RAPGEF3: variants seen among roughly 807,000 people sequenced by gnomAD.
RAPGEF3 encodes Rap guanine nucleotide exchange factor 3, also known as 9330170P05Rik.
A neutral mutation model predicts 129.8 loss-of-function variants in RAPGEF3; 103 were observed. The ratio of observed to expected loss-of-function variants is 0.79; its 90% CI spans 0.68 to 0.93. The LOEUF (loss-of-function observed/expected upper bound fraction) is 0.93, where lower values mean the gene tolerates loss of function less well. Ranked by LOEUF, RAPGEF3 falls within the 40% of genes least tolerant of loss-of-function variation. The pLI, the probability that RAPGEF3 is intolerant of heterozygous loss-of-function variation, is 0.00. For missense variants in RAPGEF3, 1,117 were observed against 1,207.4 expected, an observed-to-expected ratio of 0.93 and a Z score of 1.11; for synonymous variants, 436 against 482.6, an observed-to-expected ratio of 0.90 and a Z score of 1.26.
chr12:47,757,913 G>A lies in RAPGEF3; in HGVS notation c.172C>T (p.Leu58=). The change falls in exon 2 of 28, where the codon CTG becomes TTG. Residue 58 remains leucine, a synonymous_variant. Transcript: ENST00000449771. ...MHRPRSCSYQ[L]LLEHQRPSCI... is the part of the protein sequence containing the mutation. The stretch of plus-strand genomic sequence containing the variant: ...CTCGGACGCTGGTGCTCCAGCAGCA[G>A]CTGGTAGGAGCAGCTTCGGGGCCGG... The A allele has an allele frequency of 6.4e-7, 1 of 1,557,040 alleles. No individual in the cohort carries two copies. Among genetic ancestry groups the A allele is most frequent in the Non-Finnish European group, 8.7e-7 (1 of 1,150,282 alleles).
In RAPGEF3 at chr12:47,737,415, G is replaced by T. The variant is rs1306717510; in HGVS notation, c.*152C>A. 7.7e-6 allele frequency: 5 copies of T among 652,838 alleles called. No individual in the cohort carries two copies. In the East Asian group the frequency reaches 1.4e-4, roughly 18 times the overall value. 40.4% of individuals were successfully genotyped at this position (652,838 alleles called of 1,614,324 possible). On this transcript the variant is annotated 3_prime_UTR_variant, in exon 28 of 28. Coordinates refer to ENST00000449771, the MANE Select transcript of RAPGEF3 (RefSeq NM_001098531.4). ...TCCTTAGCTGCCAGTCATCACAGGG[G>T]ATGGCTGCCTCCACACTGCCTGCTC...
At chr12:47,750,230 C>T (rs1437708443) in intron 7 of RAPGEF3, 111 bp downstream of exon 7, 1 of 1,256,504 alleles carries the variant, frequency 8.0e-7, no homozygotes, top group African/African-American at 1.5e-5. Context: ...AAATTTCCAG[C>T]CATAGATGGA....
Position 47,750,445 on chromosome 12 carries a change from G to T in RAPGEF3, c.672-20C>A. ...CCTGGGCTGCAGGGACAGGAGGAAT[G>T]GGAGCACACTGTGAACTGTGGGCCC... On this transcript the variant is annotated intron_variant, in intron 6 of 27. Coordinates refer to ENST00000449771, the MANE Select transcript of RAPGEF3 (RefSeq NM_001098531.4). 6.2e-7 allele frequency: 1 copy of T among 1,606,104 alleles called. No individual in the cohort carries two copies. The highest frequency in any genetic ancestry group is 2.2e-5 in the East Asian group (1 of 44,534).
chr12:47,758,426 T>G (rs1942234533), intron 1 of RAPGEF3, 125 bp downstream of exon 1: 2 of 1,557,442 alleles, frequency 1.3e-6, no homozygotes, highest in Non-Finnish European at 1.7e-6. Flanking sequence ...AGCTTCGGCT[T>G]AAACCCTTCT....
chr12:47,750,661 C>G lies in RAPGEF3; in HGVS notation c.672-236G>C, dbSNP rs146842004. 1.1e-4 allele frequency among the ~76,000 whole-genome samples: 16 copies of G among 152,316 alleles called. No individual in the cohort carries two copies. The East Asian group carries it at 2.3e-3, about 22-fold the overall frequency. ...GTTCTATCATCCTCACTTGACAGAA[C>G]AGGAACTAGCATGAGGAGGCTCAAG... On this transcript the variant is annotated intron_variant, in intron 6 of 27. Transcript: ENST00000449771.
intron 2 of RAPGEF3, among the ~76,000 whole-genome samples, chr12:47,754,415 G>A (rs945134847): frequency 6.6e-6 from 1 of 152,234 alleles, no homozygotes; most frequent in African/African-American, 2.4e-5. Flanking sequence ...CTAGGATGGG[G>A]CGGAGAGAGG....
chr12:47,748,959 A>G (rs1941588856), intron 10 of RAPGEF3, 28 bp from the exon 11 acceptor site: 1 of 1,541,448 alleles, frequency 6.5e-7, no homozygotes, highest in South Asian at 1.1e-5. Flanking sequence ...TCCCATGCTC[A>G]ACTCATGATG....
chr12:47,739,116 A>G, intron 24 of RAPGEF3, 27 bp downstream of exon 24: 1 of 1,518,756 alleles, frequency 6.6e-7, no homozygotes, highest in African/African-American at 1.4e-5. Flanking sequence ...GGGGGAATGG[A>G]GGGATGGAGG....
In RAPGEF3 at chr12:47,741,490, C is replaced by T; in HGVS notation, c.1923+15G>A. The stretch of plus-strand genomic sequence containing the variant: ...GATCTCCTCCCTGGGCCCTGGCACC[C>T]TGCCTGGTCCCTACCAGCTCATGCA... On this transcript the variant is annotated intron_variant, in intron 19 of 27. Coordinates refer to ENST00000449771, the MANE Select transcript of RAPGEF3 (RefSeq NM_001098531.4). 1 of 1,609,514 alleles carries T rather than the reference C, an allele frequency of 6.2e-7. No homozygotes were observed. Among genetic ancestry groups the T allele is most frequent in the Non-Finnish European group, 8.5e-7 (1 of 1,175,824 alleles).
At position 47,738,740 on chromosome 12, in the gene RAPGEF3, G is replaced by A. The variant is rs747780939; in HGVS notation, c.2476C>T (p.His826Tyr). 4 of 1,610,288 alleles carry A rather than the reference G, an allele frequency of 2.5e-6. No homozygotes were observed. In the Admixed American group the frequency reaches 6.7e-5, roughly 27 times the overall value. Reference protein sequence around the residue: ...PLLLKDMTFIHEGNHTLVENL... With the variant: ...PLLLKDMTFIYEGNHTLVENL... ...TCCACTAGTGTGTGGTTTCCCTCAT[G>A]AATGAAGGTCATGTCTGCAAAGAGA... Residue 826 changes from histidine (H) to tyrosine (Y), a missense_variant, in exon 25 of 28, where the codon CAT becomes TAT. Transcript: ENST00000449771.
intron 16 of RAPGEF3, chr12:47,744,931 C>G (rs143888965): frequency 1.8e-4 from 27 of 152,268 alleles, no homozygotes; most frequent in African/African-American, 6.5e-4. Flanking sequence ...AAACCCTGGT[C>G]TCAAAAACCC....
intron 27 of RAPGEF3, among the ~76,000 whole-genome samples, 153 bp downstream of exon 27, chr12:47,737,868 CT>C (rs1221335114): frequency 6.6e-6 from 1 of 152,196 alleles, no homozygotes; most frequent in Non-Finnish European, 1.5e-5. Flanking sequence ...GAAGAGCCCC[CT>C]GGCTCAGAGC....
At chr12:47,737,963 C>T (rs1450823429) in intron 27 of RAPGEF3, 59 bp downstream of exon 27, 2 of 1,545,906 alleles carry the variant, frequency 1.3e-6, no homozygotes, top group African/African-American at 1.4e-5. Flanking sequence ...GATGTGCCAG[C>T]CATGGGTAAC....
chr12:47,740,221 T>A, intron 22 of RAPGEF3, 30 bp from the exon 23 acceptor site: 1 of 1,613,262 alleles, frequency 6.2e-7, no homozygotes, highest in Non-Finnish European at 8.5e-7. Flanking sequence ...GAGCGGCTGC[T>A]CTGGGGGAGG....
rs375621327 is a variant in RAPGEF3 at position 47,740,880 on chromosome 12, C to G, written c.2049+35G>C. 4 of 1,613,586 alleles carry G rather than the reference C, an allele frequency of 2.5e-6. No homozygotes were observed. The African/African-American group carries it at 5.3e-5, about 22-fold the overall frequency. ...TGCTGAGCCGAGCCGGGCGCCCCGC[C>G]GCCTGCTCTCCTCCCCCAGCTCTGC... On this transcript the variant is annotated intron_variant, in intron 20 of 27. Transcript: ENST00000449771.
rs963261081 is a variant in RAPGEF3 at position 47,749,875 on chromosome 12, C to T, written c.817+55G>A. ...TGGCACCTACCATTCCTTCACACAT[C>T]CTTCTGCCCATGTCCAGGCCCTGTG... is the stretch of plus-strand genomic sequence containing the variant. On this transcript the variant is annotated intron_variant, in intron 8 of 27. Transcript: ENST00000449771. The surrounding 1 kb of genome is among the most constrained non-coding windows in gnomAD (Gnocchi z 4.5). 8 of 1,613,866 alleles carry T rather than the reference C, an allele frequency of 5.0e-6. No homozygotes were observed. In the South Asian group the frequency reaches 7.7e-5, roughly 16 times the overall value.
intron 16 of RAPGEF3, chr12:47,746,503 C>G (rs1941424065): frequency 1.7e-6 from 1 of 602,314 alleles, no homozygotes; most frequent in African/African-American, 2.0e-5. Context: ...TTCCTCTGAG[C>G]TCCCACAGCA....
At chr12:47,743,923 CAA>C in intron 17 of RAPGEF3, 62 bp downstream of exon 17, 1 of 1,507,046 alleles carries the variant, frequency 6.6e-7, no homozygotes, top group Non-Finnish European at 9.2e-7. Flanking sequence ...GACAGCAGGA[CAA>C]GAGAGGCAGA....
Position 47,739,149 on chromosome 12 carries a change from G to A in RAPGEF3, c.2455C>T (p.Leu819Phe). ...AGGCAGGAAGCCCTGTTACCTTTGA[G>A]AAGAAGGGGCATGAAGGGGATGACA... ...PPVIPFMPLL[L>F]KDMTFIHEGN... is the part of the protein sequence containing the mutation. Residue 819 changes from leucine (L) to phenylalanine (F), a missense_variant, in exon 24 of 28, where the codon CTC becomes TTC. By Grantham distance (22) the Leu-to-Phe change is conservative. Transcript: ENST00000449771. 1.9e-6 allele frequency: 3 copies of A among 1,596,800 alleles called. No individual in the cohort carries two copies. Among genetic ancestry groups the A allele is most frequent in the Non-Finnish European group, 2.6e-6 (3 of 1,169,912 alleles).
Sources: allele counts gnomAD v4.1 joint callset (sites outside exome capture counted in the v4.1 genomes callset), GRCh38; gene constraint gnomAD v4.1.1; non-coding constraint Gnocchi (gnomAD v3.1); transcripts MANE v1.5; gene names NCBI Gene and HGNC (gene_info 2026-07-23, HGNC 2026-07-21).